STMN2: variants seen among roughly 807,000 people sequenced by gnomAD.
The protein encoded by STMN2 is stathmin-2.
In STMN2, 2 loss-of-function variants were observed where a neutral mutation model predicts 24.1. That is an observed-to-expected ratio of 0.08 (90% CI 0.03 to 0.26). The LOEUF (loss-of-function observed/expected upper bound fraction) is 0.26, where lower values mean the gene tolerates loss of function less well. Ranked by LOEUF, STMN2 falls within the 10% of genes least tolerant of loss-of-function variation. STMN2 has a pLI of 1.00. For missense variants in STMN2, 114 were observed against 213.6 expected, an observed-to-expected ratio of 0.53 and a Z score of 2.91; for synonymous variants, 83 against 77.5, an observed-to-expected ratio of 1.07 and a Z score of -0.37.
intron 4 of STMN2, among the ~76,000 whole-genome samples, chr8:79,661,181 G>A (rs113747263): frequency 0.022 from 3,324 of 152,162 alleles, 110 homozygotes; most frequent in African/African-American, 0.075. Flanking sequence ...TGGGATTGCT[G>A]GATCAAATGA....
chr8:79,663,129 T>C (rs1044472675), intron 4 of STMN2, among the ~76,000 whole-genome samples: 3 of 152,164 alleles, frequency 2.0e-5, no homozygotes, highest in African/African-American at 7.2e-5. Context: ...GTCAACTTCC[T>C]GCTTACTCCA....
At chr8:79,639,462 A>G (rs1175986620) in intron 2 of STMN2, among the ~76,000 whole-genome samples, 2 of 152,210 alleles carry the variant, frequency 1.3e-5, no homozygotes, top group Non-Finnish European at 2.9e-5. Flanking sequence ...GCTCATCTGA[A>G]ATTGAGGGCT....
intron 3 of STMN2, among the ~76,000 whole-genome samples, 183 bp downstream of exon 3, chr8:79,641,733 A>G (rs1482948181): frequency 6.6e-6 from 1 of 151,990 alleles, no homozygotes; most frequent in Non-Finnish European, 1.5e-5. Flanking sequence ...TTCAGTAGAC[A>G]CAGAGCCAGG....
At chr8:79,636,564 C>T (rs1451003022) in intron 1 of STMN2, among the ~76,000 whole-genome samples, 1 of 152,142 alleles carries the variant, frequency 6.6e-6, no homozygotes, top group African/African-American at 2.4e-5. Context: ...AACTCCCTTT[C>T]TTTCTCTTGT....
chr8:79,619,637 C>T (rs1462402795), intron 1 of STMN2, among the ~76,000 whole-genome samples: 1 of 152,092 alleles, frequency 6.6e-6, no homozygotes, highest in Non-Finnish European at 1.5e-5. Context: ...CTTATTGCAG[C>T]CTCCCTGGGA....
At chr8:79,653,733 C>T (rs1810384680) in intron 3 of STMN2, among the ~76,000 whole-genome samples, 1 of 152,120 alleles carries the variant, frequency 6.6e-6, no homozygotes, top group Non-Finnish European at 1.5e-5. Context: ...TTTGATCAAC[C>T]ATTGTTTAGA....
intron 1 of STMN2, among the ~76,000 whole-genome samples, chr8:79,634,631 A>G (rs1809896470): frequency 6.6e-6 from 1 of 152,196 alleles, no homozygotes; most frequent in African/African-American, 2.4e-5. Flanking sequence ...TTTATCCAGA[A>G]GCTTCACCGT....
intron 4 of STMN2, among the ~76,000 whole-genome samples, chr8:79,658,057 A>C (rs573714082): frequency 6.6e-6 from 1 of 152,328 alleles, no homozygotes; most frequent in African/African-American, 2.4e-5. Context: ...TGGGAGGCCA[A>C]GGCAAGAGAA....
chr8:79,632,814 A>G, intron 1 of STMN2, among the ~76,000 whole-genome samples: 1 of 152,240 alleles, frequency 6.6e-6, no homozygotes, highest in Non-Finnish European at 1.5e-5. Flanking sequence ...TTTTTATGAT[A>G]CTGCACTATC....
intron 4 of STMN2, among the ~76,000 whole-genome samples, chr8:79,663,156 G>A (rs1806534876): frequency 6.6e-6 from 1 of 152,080 alleles, no homozygotes; most frequent in African/African-American, 2.4e-5. Flanking sequence ...TATCTTTGAA[G>A]GAAGTATAGG....
chr8:79,664,849 A>T lies in STMN2; in HGVS notation c.515A>T (p.Glu172Val). 1 of 1,613,404 alleles carries T rather than the reference A, an allele frequency of 6.2e-7. No individual in the cohort carries two copies. Among genetic ancestry groups the T allele is most frequent in the Non-Finnish European group, 8.5e-7 (1 of 1,179,616 alleles). Residue 172 changes from glutamate to valine, a missense_variant, in exon 5 of 5, where the codon GAA becomes GTA. By Grantham distance (121) the Glu-to-Val change is moderately radical. Transcript: ENST00000220876. ...RHAAEVRRNK[E>V]LQVELSG ...GCTGCGGAGGTGCGCAGGAACAAGGAACTCCAGGTTGAACTGTCTGGCTGA... is the reference window on the plus strand; with the variant it reads ...GCTGCGGAGGTGCGCAGGAACAAGGTACTCCAGGTTGAACTGTCTGGCTGA...
At chr8:79,637,055 T>C (rs1466092118) in intron 2 of STMN2, among the ~76,000 whole-genome samples, 158 bp downstream of exon 2, 2 of 152,238 alleles carry the variant, frequency 1.3e-5, no homozygotes, top group African/African-American at 4.8e-5. Context: ...TGATTACCTA[T>C]TGCTGAAAAC....
intron 4 of STMN2, among the ~76,000 whole-genome samples, chr8:79,659,643 T>C (rs1563449629): frequency 6.6e-6 from 1 of 152,184 alleles, no homozygotes; most frequent in Non-Finnish European, 1.5e-5. Flanking sequence ...TTAACAACAA[T>C]ACATCTATTC....
At chr8:79,631,845 C>G (rs13258750) in intron 1 of STMN2, among the ~76,000 whole-genome samples, 1 of 151,928 alleles carries the variant, frequency 6.6e-6, no homozygotes, top group Non-Finnish European at 1.5e-5. Context: ...AAAATTATCA[C>G]CAGGGGCTTA....
chr8:79,648,215 C>A (rs1222368384), intron 3 of STMN2, among the ~76,000 whole-genome samples: 2 of 152,128 alleles, frequency 1.3e-5, no homozygotes, highest in Non-Finnish European at 2.9e-5. Context: ...TCCGTATGTC[C>A]TCCTTTGTCA....
intron 1 of STMN2, among the ~76,000 whole-genome samples, chr8:79,617,226 G>A (rs1035670454): frequency 6.6e-6 from 1 of 152,158 alleles, no homozygotes; most frequent in African/African-American, 2.4e-5. Context: ...TTCTAAGGAA[G>A]TCAACCTACA....
intron 1 of STMN2, among the ~76,000 whole-genome samples, chr8:79,624,378 C>T (rs1419660997): frequency 2.1e-5 from 3 of 140,518 alleles, no homozygotes; most frequent in Non-Finnish European, 1.5e-5. Flanking sequence ...GGCGTGAATC[C>T]GGGAGGGGGA....
intron 1 of STMN2, among the ~76,000 whole-genome samples, chr8:79,612,105 G>A (rs1198792016): frequency 2.2e-5 from 3 of 137,180 alleles, no homozygotes; most frequent in Admixed American, 1.5e-4. Context: ...CATTCGAAAG[G>A]GGGTCGGGTG....
At chr8:79,630,094 G>A (rs1297501807) in intron 1 of STMN2, among the ~76,000 whole-genome samples, 1 of 152,152 alleles carries the variant, frequency 6.6e-6, no homozygotes, top group African/African-American at 2.4e-5. Context: ...TGTCTTCCCA[G>A]TGTTCTATAT....
Sources: gnomAD v4.1 joint callset for allele counts (sites outside exome capture counted in the v4.1 genomes callset) on GRCh38, gnomAD v4.1.1 for gene constraint, MANE v1.5 for transcripts, NCBI Gene and HGNC (gene_info 2026-07-23, HGNC 2026-07-21) for gene names.